Variants in GLYAT observed in about 807,000 individuals in gnomAD.
The protein encoded by GLYAT is glycine N-acyltransferase.
GLYAT carries 25 observed loss-of-function variants against 22.8 expected under a neutral mutation model. The ratio of observed to expected loss-of-function variants is 1.09; its 90% CI spans 0.80 to 1.53. The LOEUF (loss-of-function observed/expected upper bound fraction) is 1.53. GLYAT is among the 40% of genes most tolerant of loss of function. The probability of loss-of-function intolerance (pLI) is 0.00; values close to 1 mark genes in which losing one functional copy is unlikely to be tolerated. For synonymous variants in GLYAT, 140 were observed against 122.7 expected (o/e 1.14, Z -0.93); for missense variants, 411 against 353.9 (o/e 1.16, Z -1.29).
chr11:58,711,970 C>T (rs1856621871), intron 4 of GLYAT, among the ~76,000 whole-genome samples: 1 of 152,188 alleles, frequency 6.6e-6, no homozygotes, highest in African/African-American at 2.4e-5. Flanking sequence ...ATGCTGTCAC[C>T]ACAGTCACCA....
chr11:58,730,843 T>C (rs576792767), intron 1 of GLYAT, among the ~76,000 whole-genome samples: 77 of 152,296 alleles, frequency 5.1e-4, no homozygotes, highest in African/African-American at 1.8e-3. Context: ...AAAATCTCTA[T>C]GTGCCTCAAT....
intron 4 of GLYAT, among the ~76,000 whole-genome samples, chr11:58,711,915 T>G (rs1160275922): frequency 6.6e-6 from 1 of 152,228 alleles, no homozygotes; most frequent in African/African-American, 2.4e-5. Context: ...ACCAATACCA[T>G]TAAGATAGGC....
chr11:58,721,875 C>T (rs1856754875), intron 2 of GLYAT, among the ~76,000 whole-genome samples: 1 of 151,812 alleles, frequency 6.6e-6, no homozygotes, highest in South Asian at 2.1e-4. Context: ...TAGAGTTCTC[C>T]TTTCAATTTG....
intron 3 of GLYAT, 85 bp downstream of exon 3, chr11:58,715,231 T>G (rs975323327): frequency 3.0e-6 from 2 of 676,044 alleles, no homozygotes; most frequent in Non-Finnish European, 5.2e-6. Flanking sequence ...TACTTCTGCA[T>G]GCCCTGGCTC....
intron 2 of GLYAT, among the ~76,000 whole-genome samples, chr11:58,715,967 A>G (rs1856674754): frequency 2.0e-5 from 3 of 152,136 alleles, no homozygotes; most frequent in African/African-American, 4.8e-5. Flanking sequence ...AAGGCTATAT[A>G]CATGTTTAAA....
chr11:58,726,681 T>C (rs915405583), intron 1 of GLYAT, among the ~76,000 whole-genome samples: 3 of 152,080 alleles, frequency 2.0e-5, no homozygotes, highest in Admixed American at 1.3e-4. Flanking sequence ...GGCCAAGTAT[T>C]ACAAAGAAAA....
In GLYAT at chr11:58,709,579, C is replaced by T; in HGVS notation, c.*187G>A. ...ATGTAAGAGGACCTGGGCCTGCTTC[C>T]CACTGAGAAACCTGTGAATGCAGGG... On this transcript the variant is annotated 3_prime_UTR_variant, in exon 6 of 6. Coordinates refer to ENST00000344743, the MANE Select transcript of GLYAT (RefSeq NM_201648.3). 1.8e-6 allele frequency: 1 copy of T among 568,412 alleles called. No individual in the cohort carries two copies. The highest frequency in any genetic ancestry group is 3.0e-6 in the Non-Finnish European group (1 of 336,312). 35.2% of individuals were successfully genotyped at this position (568,412 alleles called of 1,614,324 possible). A position where few individuals can be genotyped will look rare whatever the true frequency, so the allele number is the denominator to read the frequency against.
intron 2 of GLYAT, among the ~76,000 whole-genome samples, chr11:58,719,153 C>T (rs11530801): frequency 0.18 from 27,909 of 151,770 alleles, 2,718 homozygotes; most frequent in East Asian, 0.27. Context: ...AAGTTTAAAA[C>T]ACTTGAAATT....
chr11:58,709,539 A>C lies in GLYAT; in HGVS notation c.*227T>G. On this transcript the variant is annotated 3_prime_UTR_variant, in exon 6 of 6. Coordinates refer to ENST00000344743, the MANE Select transcript of GLYAT (RefSeq NM_201648.3). ...GAGGTCCTGGAAATGTGGGGAGGTAAATTGCTTATGTCAAATGTAAGAGGA... is the reference window on the plus strand; with the variant it reads ...GAGGTCCTGGAAATGTGGGGAGGTACATTGCTTATGTCAAATGTAAGAGGA... The C allele has an allele frequency of 2.2e-6, 1 of 459,612 alleles. No homozygotes were observed. The allele number at this position is 459,612 out of a possible 1,614,324, so 28.5% of individuals were successfully genotyped here. A position where few individuals can be genotyped will look rare whatever the true frequency, so the allele number is the denominator to read the frequency against.
At chr11:58,729,070 C>G (rs1856845675) in intron 1 of GLYAT, among the ~76,000 whole-genome samples, 1 of 152,146 alleles carries the variant, frequency 6.6e-6, no homozygotes, top group African/African-American at 2.4e-5. Context: ...CCCATGGATT[C>G]TACCTCTACC....
At chr11:58,712,954 T>C in intron 3 of GLYAT, 68 bp from the exon 4 acceptor site, 1 of 1,016,218 alleles carries the variant, frequency 9.8e-7, no homozygotes, top group Non-Finnish European at 1.4e-6. Flanking sequence ...AATTTTATAC[T>C]GTGATATTTC....
At position 58,710,677 on chromosome 11, in the gene GLYAT, T is replaced by G; in HGVS notation, c.401A>C (p.Tyr134Ser). 1 of 1,613,060 alleles carries G rather than the reference T, an allele frequency of 6.2e-7. No individual in the cohort carries two copies. The highest frequency in any genetic ancestry group is 1.1e-5 in the South Asian group (1 of 91,070). ...FKVKQTQRILYMAAETAKELT... is the reference protein window; with the variant it reads ...FKVKQTQRILSMAAETAKELT... ...TTCCTTGGCTGTTTCAGCTGCCATA[T>G]AGAGAATGCGTTGTGTTTGTTTGAC... Residue 134 changes from tyrosine (Y) to serine (S), a missense_variant, in exon 5 of 6, where the codon TAT becomes TCT. Tyr to Ser is a moderately radical substitution (Grantham distance 144). Transcript: ENST00000344743.
chr11:58,710,826 G>T, intron 4 of GLYAT, 65 bp from the exon 5 acceptor site: 1 of 958,280 alleles, frequency 1.0e-6, no homozygotes, highest in South Asian at 1.4e-5. Flanking sequence ...TTCTGCAGTG[G>T]AGTAAGAAGT....
At chr11:58,716,662 T>C (rs1303261739) in intron 2 of GLYAT, among the ~76,000 whole-genome samples, 3 of 152,146 alleles carry the variant, frequency 2.0e-5, no homozygotes, top group Non-Finnish European at 4.4e-5. Context: ...TGGCCTAATT[T>C]ATTAAAATCC....
intron 1 of GLYAT, among the ~76,000 whole-genome samples, chr11:58,725,835 G>T (rs11229599): frequency 0.012 from 1,859 of 152,262 alleles, 15 homozygotes; most frequent in Non-Finnish European, 0.02. Flanking sequence ...TCCCATGGGG[G>T]TGGGCTGTCC....
chr11:58,716,271 A>T lies in GLYAT; in HGVS notation c.82-848T>A, dbSNP rs1856679027. Among the ~76,000 whole-genome samples the T allele has an allele frequency of 1.3e-5, 2 of 152,064 alleles. 1 individual carries two copies. The highest frequency in any genetic ancestry group is 4.2e-4 in the South Asian group (2 of 4,816). On this transcript the variant is annotated intron_variant, in intron 2 of 5. Transcript: ENST00000344743. ...AGCATAGATCTCGTGACCATTGTGA[A>T]CATGAAGTTTCAGCTGATATCAGCA...
At chr11:58,716,753 T>A (rs1187945780) in intron 2 of GLYAT, among the ~76,000 whole-genome samples, 4 of 152,076 alleles carry the variant, frequency 2.6e-5, no homozygotes, top group Non-Finnish European at 5.9e-5. Flanking sequence ...AAAGTTTATT[T>A]TGCCAAGATT....
chr11:58,713,126 G>A (rs1856637501), intron 3 of GLYAT, among the ~76,000 whole-genome samples: 1 of 152,050 alleles, frequency 6.6e-6, no homozygotes, highest in African/African-American at 2.4e-5. Flanking sequence ...ATTTCCATGT[G>A]TTGAGAACAT....
intron 1 of GLYAT, among the ~76,000 whole-genome samples, chr11:58,729,522 A>G (rs1262253721): frequency 1.3e-5 from 2 of 152,126 alleles, no homozygotes; most frequent in African/African-American, 4.8e-5. Flanking sequence ...CATATTACTT[A>G]TTCTTTTATC....
Sources: allele counts gnomAD v4.1 joint callset (sites outside exome capture counted in the v4.1 genomes callset), GRCh38; gene constraint gnomAD v4.1.1; transcripts MANE v1.5; gene names NCBI Gene and HGNC (gene_info 2026-07-23, HGNC 2026-07-21).